Variants in RBFOX1 observed in about 807,000 individuals in gnomAD.
RBFOX1 encodes RNA binding fox-1 homolog 1, also known as RNA binding protein fox-1 homolog 1.
Under a neutral mutation model 57.7 loss-of-function variants are expected in RBFOX1, and 8 were observed. The observed-to-expected ratio is 0.14, with a 90% confidence interval of 0.08 to 0.25. The LOEUF (loss-of-function observed/expected upper bound fraction) is 0.25. Ranked by LOEUF, RBFOX1 falls within the 10% of genes least tolerant of loss-of-function variation. RBFOX1 has a pLI of 1.00. For synonymous variants in RBFOX1, 326 were observed against 222.4 expected (o/e 1.47, Z -4.15); for missense variants, 611 against 548.5 (o/e 1.11, Z -1.14).
intron 2 of RBFOX1, among the ~76,000 whole-genome samples, chr16:6,531,386 G>A (rs940946794): frequency 6.6e-6 from 1 of 152,162 alleles, no homozygotes; most frequent in African/African-American, 2.4e-5. Context: ...AGAGCTCTCA[G>A]ACATAGGATC....
Position 7,710,744 on chromosome 16 carries a change from A to G in RBFOX1, c.1193A>G (p.Ter398=), listed in dbSNP as rs2148629462. ...GGATACAACCGTTTTGCTCCATACTAAATGACAAAACCATAAAAACCTTCC... is the reference window on the plus strand; with the variant it reads ...GGATACAACCGTTTTGCTCCATACTGAATGACAAAACCATAAAAACCTTCC... The part of the protein sequence containing the change: ...RGGYNRFAPY[*] Residue 398 remains the stop codon, a stop_retained_variant, in exon 16 of 16, where the codon TAA becomes TGA. Transcript: ENST00000550418. The G allele has an allele frequency of 6.3e-7, 1 of 1,575,472 alleles. No homozygotes were observed.
rs76589069 is a variant in RBFOX1, at chr16:7,321,160, G to A, written c.28-196987G>A. 4.9e-3 allele frequency among the ~76,000 whole-genome samples: 558 copies of A among 114,790 alleles called. 34 individuals carry two copies. In the East Asian group the frequency reaches 0.13, roughly 27 times the overall value. 75.3% of individuals were successfully genotyped at this position (114,790 alleles called of 152,430 possible). A position where few individuals can be genotyped will look rare whatever the true frequency, so the allele number is the denominator to read the frequency against. ...ACTTATATTGTTTGTTTTTTGAGACGGCGAGATGGTGTTTTGCTCTGCTGC... is the reference window on the plus strand; with the variant it reads ...ACTTATATTGTTTGTTTTTTGAGACAGCGAGATGGTGTTTTGCTCTGCTGC... On this transcript the variant is annotated intron_variant, in intron 4 of 15. Transcript: ENST00000550418.
chr16:7,120,208 A>G (rs941644008), intron 4 of RBFOX1, among the ~76,000 whole-genome samples: 1 of 152,086 alleles, frequency 6.6e-6, no homozygotes, highest in Admixed American at 6.6e-5. Flanking sequence ...GAAATACATA[A>G]TGCTAAGTGC....
chr16:5,620,211 G>C (rs1488817417), intron 3 of RBFOX1, among the ~76,000 whole-genome samples: 1 of 152,106 alleles, frequency 6.6e-6, no homozygotes, highest in Non-Finnish European at 1.5e-5. Flanking sequence ...AGGATCATCA[G>C]TCCTGGCATT....
chr16:6,111,042 A>G (rs1268468764), intron 1 of RBFOX1, among the ~76,000 whole-genome samples: 1 of 152,160 alleles, frequency 6.6e-6, no homozygotes, highest in Non-Finnish European at 1.5e-5. Context: ...CATGGGTTAT[A>G]CAGGGGTGGA....
chr16:5,380,328 C>A (rs1306664567), intron 1 of RBFOX1, among the ~76,000 whole-genome samples: 2 of 152,082 alleles, frequency 1.3e-5, no homozygotes, highest in Non-Finnish European at 2.9e-5. Flanking sequence ...TGCCTCTGTC[C>A]CAAGGATAGA....
chr16:5,318,377 C>T (rs1164442324), intron 1 of RBFOX1, among the ~76,000 whole-genome samples: 1 of 152,132 alleles, frequency 6.6e-6, no homozygotes, highest in African/African-American at 2.4e-5. Context: ...GATGCACCCA[C>T]CTTGGCCTCC....
At chr16:7,240,066 A>C (rs534536825) in intron 4 of RBFOX1, among the ~76,000 whole-genome samples, 1 of 152,264 alleles carries the variant, frequency 6.6e-6, no homozygotes, top group South Asian at 2.1e-4. Flanking sequence ...TCCTGAGTTC[A>C]AGCGATTCTC....
At chr16:5,480,527 T>C (rs111858453) in intron 2 of RBFOX1, among the ~76,000 whole-genome samples, 2,135 of 152,290 alleles carry the variant, frequency 0.014, 55 homozygotes, top group African/African-American at 0.048. Flanking sequence ...ACAATTCAAA[T>C]GGTATAGAAA....
intron 1 of RBFOX1, among the ~76,000 whole-genome samples, chr16:6,070,855 A>G (rs930725833): frequency 1.3e-5 from 2 of 151,294 alleles, no homozygotes; most frequent in East Asian, 4.0e-4. Context: ...ACTTCTTTAC[A>G]AAGAATCATT....
At chr16:7,203,195 G>A (rs1019174396) in intron 4 of RBFOX1, among the ~76,000 whole-genome samples, 1 of 152,152 alleles carries the variant, frequency 6.6e-6, no homozygotes, top group African/African-American at 2.4e-5. Flanking sequence ...CACGCACAAT[G>A]GAATATTATT....
intron 4 of RBFOX1, among the ~76,000 whole-genome samples, chr16:7,318,184 T>C (rs965764420): frequency 6.6e-6 from 1 of 151,690 alleles, no homozygotes; most frequent in East Asian, 1.9e-4. Context: ...ATGGTGATGG[T>C]GATAGTGATG....
intron 11 of RBFOX1, among the ~76,000 whole-genome samples, chr16:7,631,944 C>T (rs1214254185): frequency 1.3e-5 from 2 of 152,170 alleles, no homozygotes; most frequent in Non-Finnish European, 1.5e-5. Context: ...AAGTCTCACT[C>T]TGTTACCCAG....
chr16:6,024,647 C>T (rs2095151408), intron 1 of RBFOX1, among the ~76,000 whole-genome samples: 1 of 152,126 alleles, frequency 6.6e-6, no homozygotes, highest in African/African-American at 2.4e-5. Context: ...CTCTGCCACG[C>T]CTGGCTAGTG....
At chr16:7,332,776 T>G in intron 4 of RBFOX1, 1 of 1,386,136 alleles carries the variant, frequency 7.2e-7, no homozygotes. Flanking sequence ...GCTTCAACTT[T>G]GCAGCTGCTG....
chr16:6,467,795 T>C lies in RBFOX1; in HGVS notation c.-64+150738T>C, dbSNP rs573303231. ...TAGCTAGCGGTACTTAAGTGGGAAA[T>C]TTTGCAAAGCAGTAAATTATAACAC... On this transcript the variant is annotated intron_variant, in intron 2 of 15. Coordinates refer to ENST00000550418, the MANE Select transcript of RBFOX1 (RefSeq NM_018723.4). 3.9e-5 allele frequency among the ~76,000 whole-genome samples: 6 copies of C among 152,302 alleles called. No homozygotes were observed. The South Asian group carries it at 1.2e-3, about 32-fold the overall frequency.
At chr16:5,516,663 A>G (rs1328029969) in intron 2 of RBFOX1, among the ~76,000 whole-genome samples, 2 of 152,154 alleles carry the variant, frequency 1.3e-5, no homozygotes, top group East Asian at 3.9e-4. Context: ...TATAGTTTCC[A>G]TAATCCCCAT....
chr16:6,683,860 G>C (rs1568201247), intron 3 of RBFOX1, among the ~76,000 whole-genome samples: 2 of 152,190 alleles, frequency 1.3e-5, no homozygotes, highest in African/African-American at 2.4e-5. Context: ...CCTCAGCAAA[G>C]TGGAAATAAC....
At chr16:6,909,778 C>T (rs36012551) in intron 3 of RBFOX1, among the ~76,000 whole-genome samples, 1 of 151,908 alleles carries the variant, frequency 6.6e-6, no homozygotes, top group African/African-American at 2.4e-5. Context: ...GAGTGTGGTT[C>T]TTCCCTTATT....
Sources: gnomAD v4.1 joint callset for allele counts (sites outside exome capture counted in the v4.1 genomes callset) on GRCh38, gnomAD v4.1.1 for gene constraint, MANE v1.5 for transcripts, NCBI Gene and HGNC (gene_info 2026-07-23, HGNC 2026-07-21) for gene names.